SMG6: variants seen among roughly 807,000 people sequenced by gnomAD.
SMG6 encodes the protein SMG6 nonsense mediated mRNA decay factor, also known as telomerase-binding protein EST1A.
Under a neutral mutation model 142.2 loss-of-function variants are expected in SMG6, and 66 were observed. The ratio of observed to expected loss-of-function variants is 0.46; its 90% confidence interval spans 0.38 to 0.57. The LOEUF is 0.57. Among genes scored for constraint, SMG6 ranks in the 20% least tolerant of loss-of-function variants. The probability of loss-of-function intolerance (pLI) is 0.00; values close to 1 mark genes in which losing one functional copy is unlikely to be tolerated. For missense variants in SMG6, 1,793 were observed against 1,832.0 expected (o/e 0.98, Z 0.39); for synonymous variants, 779 against 702.4 (o/e 1.11, Z -1.72).
chr17:2,172,076 G>A (rs181900911), intron 13 of SMG6, among the ~76,000 whole-genome samples: 94 of 152,294 alleles, frequency 6.2e-4, no homozygotes, highest in African/African-American at 2.0e-3. Flanking sequence ...ACAGGGAATC[G>A]GCTTTGTTTT....
At chr17:2,240,955 T>C (rs1009253163) in intron 9 of SMG6, among the ~76,000 whole-genome samples, 3 of 152,212 alleles carry the variant, frequency 2.0e-5, no homozygotes, top group Admixed American at 1.3e-4. Flanking sequence ...CTTGGGCTCA[T>C]TGCTTTCCTA....
chr17:2,210,745 A>G (rs180678775), intron 10 of SMG6, among the ~76,000 whole-genome samples: 4 of 151,378 alleles, frequency 2.6e-5, no homozygotes, highest in Admixed American at 2.6e-4. Flanking sequence ...TGCAGCCAAC[A>G]AAGGCAAAAG....
At chr17:2,147,665 T>A (rs1421466197) in intron 13 of SMG6, among the ~76,000 whole-genome samples, 1 of 152,146 alleles carries the variant, frequency 6.6e-6, no homozygotes, top group African/African-American at 2.4e-5. Flanking sequence ...ACATTTAAAA[T>A]GAACACAACA....
intron 10 of SMG6, among the ~76,000 whole-genome samples, chr17:2,219,587 G>C (rs2073114313): frequency 6.6e-6 from 1 of 151,740 alleles, no homozygotes; most frequent in African/African-American, 2.4e-5. Flanking sequence ...CCAGGAGTTT[G>C]AGGCCAGCCT....
At chr17:2,303,521 G>C (rs1371508883) in intron 1 of SMG6, 112 bp downstream of exon 1, 5 of 1,334,940 alleles carry the variant, frequency 3.7e-6, no homozygotes, top group Non-Finnish European at 4.8e-6. Context: ...CCTACTGCTG[G>C]GGGAAGGGGC....
chr17:2,081,522 T>C (rs1035789307), intron 15 of SMG6, among the ~76,000 whole-genome samples: 7 of 152,046 alleles, frequency 4.6e-5, no homozygotes, highest in Admixed American at 3.9e-4. Context: ...GTGTGAAAGA[T>C]CATGTATGTG....
chr17:2,064,112 C>T (rs2067866499), intron 18 of SMG6, among the ~76,000 whole-genome samples: 1 of 152,056 alleles, frequency 6.6e-6, no homozygotes, highest in Non-Finnish European at 1.5e-5. Context: ...CCAGAGCAGC[C>T]TGAACACAAG....
chr17:2,171,356 AGTGTGTGTGTGTGTGT>A (rs10601842), intron 13 of SMG6, among the ~76,000 whole-genome samples: 2 of 149,412 alleles, frequency 1.3e-5, no homozygotes, highest in African/African-American at 4.9e-5. Flanking sequence ...AAAATGAAAG[AGTGTGTGTGTGTGTGT>A]GTGTGTGTGT....
Position 2,061,334 on chromosome 17 carries a change from G to T in SMG6, c.*158C>A. The T allele has an allele frequency of 1.4e-6, 1 of 708,138 alleles. No individual in the cohort carries two copies. Among genetic ancestry groups the T allele is most frequent in the Non-Finnish European group, 2.3e-6 (1 of 435,728 alleles). 43.9% of individuals were successfully genotyped at this position (708,138 alleles called of 1,614,324 possible). On this transcript the variant is annotated 3_prime_UTR_variant, in exon 19 of 19. Transcript: ENST00000263073. ...CTTGGGAGGGGCTCTGTGAGGAGCA[G>T]GTCCCCCACAGCATGGCCGTGGCGT... is the stretch of plus-strand genomic sequence containing the variant.
At chr17:2,259,717 C>T (rs1018492160) in intron 8 of SMG6, among the ~76,000 whole-genome samples, 3 of 151,154 alleles carry the variant, frequency 2.0e-5, no homozygotes, top group East Asian at 1.9e-4. Flanking sequence ...TGTGTGCATT[C>T]GCACACTAAT....
chr17:2,285,245 A>T (rs1412266429), intron 6 of SMG6, among the ~76,000 whole-genome samples: 2 of 152,164 alleles, frequency 1.3e-5, no homozygotes, highest in African/African-American at 4.8e-5. Flanking sequence ...CTCAATAAAT[A>T]CCTGAGATTC....
At position 2,068,705 on chromosome 17, in the gene SMG6, C is replaced by T. The variant is rs2068014775; in HGVS notation, c.3835+73G>A. The stretch of plus-strand genomic sequence containing the variant: ...AGCAGGGCTCTGCCTGCCTGGCCCC[C>T]AGGCCGTGGGGCGTGTGTGGAGGGG... On this transcript the variant is annotated intron_variant, in intron 16 of 18. Coordinates refer to ENST00000263073, the MANE Select transcript of SMG6 (RefSeq NM_017575.5). This position sits in a 1 kb window ranked among gnomAD's most constrained non-coding sequence, Gnocchi z 6.7. The T allele has an allele frequency of 3.3e-6, 5 of 1,503,690 alleles. No homozygotes were observed. The highest frequency in any genetic ancestry group is 4.5e-6 in the Non-Finnish European group (5 of 1,106,366). The allele number at this position is 1,503,690 out of a possible 1,614,324, so 93.1% of individuals were successfully genotyped here. A position where few individuals can be genotyped will look rare whatever the true frequency, so the allele number is the denominator to read the frequency against.
At chr17:2,126,907 T>TGCACACAC (rs112742171) in intron 13 of SMG6, among the ~76,000 whole-genome samples, 52,356 of 151,090 alleles carry the variant, frequency 0.35, 9,743 homozygotes, top group African/African-American at 0.49. Context: ...CGCACACACA[T>TGCACACAC]GCACACAGAC....
chr17:2,094,938 T>C (rs2068817368), intron 13 of SMG6: 1 of 152,234 alleles, frequency 6.6e-6, no homozygotes, highest in African/African-American at 2.4e-5. Flanking sequence ...GAAAGGTACA[T>C]TCTCAGCGGC....
intron 13 of SMG6, among the ~76,000 whole-genome samples, chr17:2,169,033 A>G (rs906494335): frequency 6.7e-6 from 1 of 149,454 alleles, no homozygotes; most frequent in Non-Finnish European, 1.5e-5. Flanking sequence ...GGCATGAGCC[A>G]CCATGCCCAG....
intron 13 of SMG6, among the ~76,000 whole-genome samples, chr17:2,169,881 T>C (rs1485058452): frequency 6.6e-6 from 1 of 152,060 alleles, no homozygotes; most frequent in African/African-American, 2.4e-5. Flanking sequence ...GAGCAACCAG[T>C]CAGAAGGCAT....
intron 8 of SMG6, among the ~76,000 whole-genome samples, chr17:2,252,519 T>C (rs2074070826): frequency 6.6e-6 from 1 of 152,230 alleles, no homozygotes; most frequent in East Asian, 1.9e-4. Flanking sequence ...ACCGCTGATC[T>C]TAAGAGTTGA....
At chr17:2,107,984 G>T (rs2069199569) in intron 13 of SMG6, among the ~76,000 whole-genome samples, 1 of 152,174 alleles carries the variant, frequency 6.6e-6, no homozygotes, top group Non-Finnish European at 1.5e-5. Flanking sequence ...GTGTAACTAA[G>T]CACACCTGCC....
chr17:2,114,205 G>T (rs2069427281), intron 13 of SMG6, among the ~76,000 whole-genome samples: 1 of 152,206 alleles, frequency 6.6e-6, no homozygotes, highest in African/African-American at 2.4e-5. Context: ...AGGAGGCAGA[G>T]GTTGCAGTGA....
Sources: allele counts gnomAD v4.1 joint callset (sites outside exome capture counted in the v4.1 genomes callset), GRCh38; gene constraint gnomAD v4.1.1; non-coding constraint Gnocchi (gnomAD v3.1); transcripts MANE v1.5; gene names NCBI Gene and HGNC (gene_info 2026-07-23, HGNC 2026-07-21).